The following DGKB variants were observed in gnomAD, a reference collection of about 807,000 sequenced individuals.
The protein encoded by DGKB is diacylglycerol kinase beta.
A neutral mutation model predicts 114.3 loss-of-function variants in DGKB; 67 were observed. The ratio of observed to expected loss-of-function variants is 0.59; its 90% CI spans 0.48 to 0.72. The LOEUF is 0.72. Among genes scored for constraint, DGKB ranks in the 30% least tolerant of loss-of-function variants. The pLI is 0.00. For missense variants in DGKB, 907 were observed against 975.2 expected (o/e 0.93, Z 0.93); for synonymous variants, 398 against 323.1 (o/e 1.23, Z -2.49).
rs890721582 is a variant in DGKB at position 14,283,713 on chromosome 7, A to G, written c.2122+54802T>C. Among the ~76,000 whole-genome samples, 94 of 152,140 alleles carry G rather than the reference A, an allele frequency of 6.2e-4. 1 individual carries two copies. The highest frequency in any genetic ancestry group is 3.5e-4 in the Non-Finnish European group (24 of 68,038). The stretch of plus-strand genomic sequence containing the variant: ...AGAGCCCTGAGAAATAACGCTGCAT[A>G]TCTACAACTATCTGATGTTTGACAA... On this transcript the variant is annotated intron_variant, in intron 23 of 25. Transcript: ENST00000402815.
At chr7:14,956,485 A>C (rs1218162650) in intron 1 of DGKB, among the ~76,000 whole-genome samples, 1 of 152,026 alleles carries the variant, frequency 6.6e-6, no homozygotes, top group Non-Finnish European at 1.5e-5. Flanking sequence ...AGGTTTTGCA[A>C]AGTAGTAAGT....
chr7:14,635,861 A>T (rs1315360490), intron 13 of DGKB, among the ~76,000 whole-genome samples: 1 of 151,592 alleles, frequency 6.6e-6, no homozygotes, highest in Non-Finnish European at 1.5e-5. Context: ...ATCTCCCTAT[A>T]AAAACGAGAG....
chr7:14,880,842 G>A (rs1485647819), intron 1 of DGKB, among the ~76,000 whole-genome samples: 1 of 151,924 alleles, frequency 6.6e-6, no homozygotes, highest in East Asian at 1.9e-4. Context: ...TAATATATAG[G>A]GAATAATGTT....
chr7:14,409,184 TGTGA>T (rs1244006862), intron 21 of DGKB, among the ~76,000 whole-genome samples: 4 of 152,064 alleles, frequency 2.6e-5, no homozygotes, highest in Admixed American at 6.6e-5. Flanking sequence ...GCTCAAGTGT[TGTGA>T]GTATCTGCTT....
intron 20 of DGKB, among the ~76,000 whole-genome samples, chr7:14,566,197 A>G (rs1184065085): frequency 6.6e-6 from 1 of 152,170 alleles, no homozygotes; most frequent in East Asian, 1.9e-4. Context: ...CTGTATAATT[A>G]TATGTAAGGG....
intron 23 of DGKB, among the ~76,000 whole-genome samples, chr7:14,282,788 A>G (rs1446964728): frequency 6.6e-6 from 1 of 152,154 alleles, no homozygotes; most frequent in Non-Finnish European, 1.5e-5. Context: ...TAGATGCAGA[A>G]AAGGCCTTTG....
Position 14,347,556 on chromosome 7 carries a change from A to C in DGKB, c.1836-2165T>G, listed in dbSNP as rs147050636. Among the ~76,000 whole-genome samples the C allele has an allele frequency of 6.7e-3, 1,016 of 152,116 alleles. 3 individuals carry two copies. Among genetic ancestry groups the C allele is most frequent in the Middle Eastern group, 0.024 (7 of 294 alleles). On this transcript the variant is annotated intron_variant, in intron 21 of 25. Coordinates refer to ENST00000402815, the MANE Select transcript of DGKB (RefSeq NM_001350709.2). ...CTTGCATGATCTCACTTATATGCAG[A>C]ATCAAAAAAAGTCAAATACATAGAA...
intron 4 of DGKB, among the ~76,000 whole-genome samples, chr7:14,743,797 C>T (rs748706848): frequency 4.0e-4 from 61 of 152,246 alleles, no homozygotes; most frequent in Middle Eastern, 6.8e-3. Context: ...CTGACTGTAA[C>T]TACCCTGGTC....
intron 23 of DGKB, among the ~76,000 whole-genome samples, chr7:14,222,636 A>T (rs946066030): frequency 2.6e-5 from 4 of 151,416 alleles, no homozygotes; most frequent in African/African-American, 9.7e-5. Context: ...TGTTATATAG[A>T]TATTTATTAT....
chr7:14,293,028 A>G (rs1802002380), intron 23 of DGKB, among the ~76,000 whole-genome samples: 1 of 152,130 alleles, frequency 6.6e-6, no homozygotes, highest in Non-Finnish European at 1.5e-5. Context: ...GAGAGAGAGA[A>G]AGAGGGAAAA....
At position 14,147,175 on chromosome 7, in the gene DGKB, G is replaced by A. The variant is rs1211924493; in HGVS notation, c.*1956C>T. On this transcript the variant is annotated 3_prime_UTR_variant, in exon 26 of 26. Coordinates refer to ENST00000402815, the MANE Select transcript of DGKB (RefSeq NM_001350709.2). ...TTATGTCAGTAATGTACTTGTTACT[G>A]TTTTGAGATTTCTTTCTTTCTTTTG... is the stretch of plus-strand genomic sequence containing the variant. 1 of 152,092 alleles carries A rather than the reference G, an allele frequency of 6.6e-6. No individual in the cohort carries two copies. The highest frequency in any genetic ancestry group is 2.4e-5 in the African/African-American group (1 of 41,440). 9.4% of individuals were successfully genotyped at this position (152,092 alleles called of 1,614,324 possible).
intron 1 of DGKB, among the ~76,000 whole-genome samples, chr7:14,845,759 A>G (rs898639229): frequency 6.6e-6 from 1 of 152,134 alleles, no homozygotes; most frequent in Non-Finnish European, 1.5e-5. Context: ...AAAGGAGACA[A>G]GAACAGAAGT....
chr7:14,445,021 T>C (rs1339572770), intron 21 of DGKB, among the ~76,000 whole-genome samples: 1 of 151,926 alleles, frequency 6.6e-6, no homozygotes, highest in East Asian at 1.9e-4. Context: ...AATAGAAATA[T>C]GGCATTAATT....
intron 20 of DGKB, among the ~76,000 whole-genome samples, chr7:14,542,325 T>C (rs1793595999): frequency 1.3e-5 from 2 of 152,142 alleles, no homozygotes; most frequent in Admixed American, 1.3e-4. Flanking sequence ...TGCTTTTTCC[T>C]AACTTTTAGG....
intron 23 of DGKB, among the ~76,000 whole-genome samples, chr7:14,260,607 T>C (rs1796627600): frequency 6.6e-6 from 1 of 152,208 alleles, no homozygotes; most frequent in African/African-American, 2.4e-5. Flanking sequence ...TAGCTTTCAC[T>C]TCCTATTACA....
At chr7:14,720,145 C>T (rs1259769489) in intron 5 of DGKB, among the ~76,000 whole-genome samples, 1 of 151,908 alleles carries the variant, frequency 6.6e-6, no homozygotes, top group African/African-American at 2.4e-5. Flanking sequence ...TCATAATTGC[C>T]CAAATATTTT....
intron 23 of DGKB, among the ~76,000 whole-genome samples, chr7:14,314,241 G>T (rs1415391133): frequency 6.6e-6 from 1 of 152,140 alleles, no homozygotes; most frequent in African/African-American, 2.4e-5. Context: ...TCCTCCAAAG[G>T]AACGCAGCTC....
chr7:14,331,595 C>A lies in DGKB; in HGVS notation c.2122+6920G>T, dbSNP rs1809730149. ...ACTTTTACAAGGTATACAAAGTGTA[C>A]AATTATCTGGGAAATATAATGTAAA... On this transcript the variant is annotated intron_variant, in intron 23 of 25. Coordinates refer to ENST00000402815, the MANE Select transcript of DGKB (RefSeq NM_001350709.2). Among the ~76,000 whole-genome samples, 3 of 152,058 alleles carry A rather than the reference C, an allele frequency of 2.0e-5. No individual in the cohort carries two copies. In the South Asian group the frequency reaches 6.2e-4, roughly 32 times the overall value.
intron 20 of DGKB, among the ~76,000 whole-genome samples, chr7:14,541,545 T>G (rs1177406114): frequency 6.6e-6 from 1 of 152,186 alleles, no homozygotes; most frequent in East Asian, 1.9e-4. Flanking sequence ...TTTCTCTGTT[T>G]ATATTGGATC....
Sources: allele counts gnomAD v4.1 joint callset (sites outside exome capture counted in the v4.1 genomes callset), GRCh38; gene constraint gnomAD v4.1.1; transcripts MANE v1.5; gene names NCBI Gene and HGNC (gene_info 2026-07-23, HGNC 2026-07-21).